TNR: variants seen among roughly 807,000 people sequenced by gnomAD.
TNR encodes tenascin-R.
In TNR, 45 loss-of-function variants were observed where a neutral mutation model predicts 150.4. That is an observed-to-expected ratio of 0.30 (90% CI 0.24 to 0.38). TNR has a LOEUF of 0.38. Ranked by LOEUF, TNR falls within the 10% of genes least tolerant of loss-of-function variation. The probability of loss-of-function intolerance (pLI) is 1.00; values close to 1 mark genes in which losing one functional copy is unlikely to be tolerated. For synonymous variants in TNR, 687 were observed against 678.4 expected (o/e 1.01, Z -0.20); for missense variants, 1,544 against 1,759.1 (o/e 0.88, Z 2.19).
At chr1:175,508,660 G>A (rs755206357) in intron 2 of TNR, among the ~76,000 whole-genome samples, 6 of 152,198 alleles carry the variant, frequency 3.9e-5, no homozygotes, top group South Asian at 2.1e-4. Context: ...ATGGGTGTGC[G>A]TGGGAGCAAA....
chr1:175,399,015 C>T (rs1177030887), intron 4 of TNR, among the ~76,000 whole-genome samples: 1 of 152,162 alleles, frequency 6.6e-6, no homozygotes, highest in Non-Finnish European at 1.5e-5. Flanking sequence ...TTCATTCTTT[C>T]CCCTACAATT....
intron 1 of TNR, among the ~76,000 whole-genome samples, chr1:175,587,497 T>C (rs1662619638): frequency 1.3e-5 from 2 of 152,240 alleles, no homozygotes; most frequent in Admixed American, 6.5e-5. Flanking sequence ...TCAGTACTTG[T>C]GTATGGTAGA....
intron 1 of TNR, among the ~76,000 whole-genome samples, chr1:175,710,577 C>T (rs1048173684): frequency 7.2e-5 from 11 of 152,034 alleles, no homozygotes; most frequent in African/African-American, 2.7e-4. Flanking sequence ...AGTACAGAGC[C>T]CTCCAGACAG....
chr1:175,460,422 A>G (rs1656762073), intron 2 of TNR, among the ~76,000 whole-genome samples: 1 of 151,996 alleles, frequency 6.6e-6, no homozygotes, highest in African/African-American at 2.4e-5. Context: ...GAACCCAAAT[A>G]TTGGAAAACC....
chr1:175,400,776 G>A (rs1653671667), intron 4 of TNR, among the ~76,000 whole-genome samples: 1 of 152,098 alleles, frequency 6.6e-6, no homozygotes, highest in South Asian at 2.1e-4. Flanking sequence ...TCGTGCTGTG[G>A]TGTGTGCACC....
At chr1:175,532,561 T>C (rs1249704978) in intron 1 of TNR, among the ~76,000 whole-genome samples, 2 of 152,226 alleles carry the variant, frequency 1.3e-5, no homozygotes, top group East Asian at 3.8e-4. Context: ...TCTCCATTTA[T>C]CTACTGATGC....
chr1:175,622,637 G>T (rs974267633), intron 1 of TNR, among the ~76,000 whole-genome samples: 1 of 152,124 alleles, frequency 6.6e-6, no homozygotes, highest in Non-Finnish European at 1.5e-5. Flanking sequence ...GAACTCTCTA[G>T]ACTGCTTTAG....
At chr1:175,454,368 C>T (rs1303841602) in intron 2 of TNR, among the ~76,000 whole-genome samples, 1 of 152,216 alleles carries the variant, frequency 6.6e-6, no homozygotes, top group East Asian at 1.9e-4. Flanking sequence ...AGAACTAAGA[C>T]ATTCTCTCTT....
At chr1:175,529,741 C>A (rs1043158093) in intron 1 of TNR, among the ~76,000 whole-genome samples, 5 of 152,176 alleles carry the variant, frequency 3.3e-5, no homozygotes, top group African/African-American at 4.8e-5. Context: ...CATGGAATTA[C>A]AACTCCCCCT....
chr1:175,713,030 G>A (rs1246493216), intron 1 of TNR, among the ~76,000 whole-genome samples: 6 of 152,156 alleles, frequency 3.9e-5, no homozygotes, highest in African/African-American at 1.4e-4. Context: ...CAGGAGAAGA[G>A]TCAGGACCTG....
chr1:175,594,858 A>C (rs1436932693), intron 1 of TNR, among the ~76,000 whole-genome samples: 1 of 94,610 alleles, frequency 1.1e-5, no homozygotes, highest in African/African-American at 7.0e-5. Context: ...CCTTGTTTCT[A>C]AAAAAAAAAA....
chr1:175,366,169 A>T (rs888724384), intron 10 of TNR, 31 bp from the exon 11 acceptor site: 1 of 1,557,864 alleles, frequency 6.4e-7, no homozygotes, highest in East Asian at 2.3e-5. Flanking sequence ...CCTATTTTAC[A>T]TGTGTTCCCC....
In TNR at chr1:175,716,069, CA is replaced by C. The variant is rs1437369424; in HGVS notation, c.-165+27156del. ...CCGCAGACACTGGCCTTGGCTAATG[CA>C]AATGGAACAATTCTCCATTTAGGAA... On this transcript the variant is annotated intron_variant, in intron 1 of 22. Transcript: ENST00000367674. Among the ~76,000 whole-genome samples, 4 of 152,298 alleles carry C rather than the reference CA, an allele frequency of 2.6e-5. No individual in the cohort carries two copies. In the East Asian group the frequency reaches 7.7e-4, roughly 29 times the overall value.
chr1:175,545,230 G>C (rs1660639525), intron 1 of TNR, among the ~76,000 whole-genome samples: 1 of 152,224 alleles, frequency 6.6e-6, no homozygotes, highest in African/African-American at 2.4e-5. Context: ...AAAAGTGACA[G>C]AGAGGTAATT....
intron 1 of TNR, among the ~76,000 whole-genome samples, chr1:175,581,324 G>C (rs1453567581): frequency 6.6e-6 from 1 of 152,206 alleles, no homozygotes; most frequent in Non-Finnish European, 1.5e-5. Flanking sequence ...CTCTTAGACA[G>C]GGGTTCATCT....
chr1:175,712,119 G>T (rs2101936922), intron 1 of TNR, among the ~76,000 whole-genome samples: 1 of 152,214 alleles, frequency 6.6e-6, no homozygotes, highest in South Asian at 2.1e-4. Context: ...TATGTGCCAG[G>T]CACTGTGCTA....
At chr1:175,622,805 C>T (rs1438517448) in intron 1 of TNR, among the ~76,000 whole-genome samples, 1 of 152,180 alleles carries the variant, frequency 6.6e-6, no homozygotes, top group Non-Finnish European at 1.5e-5. Flanking sequence ...AGAATATTTT[C>T]TTGCCTCTTC....
intron 1 of TNR, among the ~76,000 whole-genome samples, chr1:175,672,446 T>C (rs150755257): frequency 6.1e-4 from 93 of 152,324 alleles, no homozygotes; most frequent in African/African-American, 2.2e-3. Flanking sequence ...TTTTATTTTT[T>C]TAATGTAGTG....
chr1:175,698,706 T>C (rs1349470573), intron 1 of TNR, among the ~76,000 whole-genome samples: 1 of 151,864 alleles, frequency 6.6e-6, no homozygotes, highest in Non-Finnish European at 1.5e-5. Flanking sequence ...CCGGGCATGG[T>C]GGCAGGCACC....
Sources: allele counts gnomAD v4.1 joint callset (sites outside exome capture counted in the v4.1 genomes callset), GRCh38; gene constraint gnomAD v4.1.1; transcripts MANE v1.5; gene names NCBI Gene and HGNC (gene_info 2026-07-23, HGNC 2026-07-21).